The following UNC80 variants were observed in gnomAD, a reference collection of about 807,000 sequenced individuals.
UNC80 encodes protein unc-80 homolog.
UNC80 carries 164 observed loss-of-function variants against 384.6 expected under a neutral mutation model. The observed-to-expected ratio is 0.43, with a 90% CI of 0.38 to 0.49. UNC80 has a LOEUF of 0.49. Among genes scored for constraint, UNC80 ranks in the 20% least tolerant of loss-of-function variants. The pLI is 0.00. For synonymous variants in UNC80, 1,486 were observed against 1,527.8 expected (o/e 0.97, Z 0.64); for missense variants, 3,330 against 4,143.0 (o/e 0.80, Z 5.39).
intron 18 of UNC80, among the ~76,000 whole-genome samples, chr2:209,838,225 G>T (rs765936191): frequency 3.3e-5 from 5 of 152,092 alleles, no homozygotes; most frequent in South Asian, 4.1e-4. Flanking sequence ...CCCACTGGGA[G>T]TATAATAGTA....
In UNC80 at chr2:209,813,341, A is replaced by G. The variant is rs1027835507; in HGVS notation, c.939-239A>G. On this transcript the variant is annotated intron_variant, in intron 7 of 64. Transcript: ENST00000673920. ...AATCCTCCCTCCTGCCCAAACCTCA[A>G]CTTTGCCTTGCTAATTCCTATCCAT... Among the ~76,000 whole-genome samples, 4 of 152,294 alleles carry G rather than the reference A, an allele frequency of 2.6e-5. No homozygotes were observed. In the South Asian group the frequency reaches 8.3e-4, roughly 32 times the overall value.
intron 7 of UNC80, among the ~76,000 whole-genome samples, chr2:209,802,749 G>T (rs1380175879): frequency 3.3e-5 from 5 of 152,138 alleles, no homozygotes; most frequent in African/African-American, 1.2e-4. Flanking sequence ...AGTTAGTTGA[G>T]TTCTCTGCTT....
In UNC80 at chr2:209,935,387, C is replaced by T. The variant is rs529229033; in HGVS notation, c.6179-327C>T. Among the ~76,000 whole-genome samples the T allele has an allele frequency of 2.3e-3, 350 of 152,008 alleles. 2 individuals carry two copies. The highest frequency in any genetic ancestry group is 5.0e-4 in the Non-Finnish European group (34 of 67,982). ...CTGTAATCTCCGCACTTTGGGAGGCCGAGGCAGGTGGATTGCTTGAGGTCA... is the reference window on the plus strand; with the variant it reads ...CTGTAATCTCCGCACTTTGGGAGGCTGAGGCAGGTGGATTGCTTGAGGTCA... On this transcript the variant is annotated intron_variant, in intron 39 of 64. Coordinates refer to ENST00000673920, the MANE Select transcript of UNC80 (RefSeq NM_001371986.1).
chr2:209,792,501 C>T (rs1257303860), intron 6 of UNC80, among the ~76,000 whole-genome samples: 1 of 152,072 alleles, frequency 6.6e-6, no homozygotes, highest in African/African-American at 2.4e-5. Flanking sequence ...GCGCCCACCA[C>T]CGCGCCCAGC....
In UNC80 at chr2:209,996,018, A is replaced by T. The variant is rs2093478592; in HGVS notation, c.*423A>T. The T allele has an allele frequency of 6.5e-6, 1 of 155,002 alleles. No homozygotes were observed. The highest frequency in any genetic ancestry group is 2.4e-5 in the African/African-American group (1 of 41,470). The allele number at this position is 155,002 out of a possible 1,614,324, so 9.6% of individuals were successfully genotyped here. On this transcript the variant is annotated 3_prime_UTR_variant, in exon 65 of 65. Coordinates refer to ENST00000673920, the MANE Select transcript of UNC80 (RefSeq NM_001371986.1). ...AAATATTTATTTTTATAGTTTAAAA[A>T]ATATCAATTCAGGTTGGCTATACAA...
At chr2:209,858,381 T>C (rs541982602) in intron 22 of UNC80, among the ~76,000 whole-genome samples, 4 of 152,286 alleles carry the variant, frequency 2.6e-5, no homozygotes, top group African/African-American at 7.2e-5. Flanking sequence ...AACTTTTCTA[T>C]CTGTTTGTTA....
chr2:209,777,078 C>A (rs1363489426), intron 3 of UNC80, among the ~76,000 whole-genome samples, 180 bp from the exon 4 acceptor site: 1 of 152,220 alleles, frequency 6.6e-6, no homozygotes, highest in African/African-American at 2.4e-5. Flanking sequence ...CCCATGGCAG[C>A]ATATCATTCT....
In UNC80 at chr2:209,995,650, A is replaced by G. The variant is rs2093473122; in HGVS notation, c.*55A>G. On this transcript the variant is annotated 3_prime_UTR_variant, in exon 65 of 65. Coordinates refer to ENST00000673920, the MANE Select transcript of UNC80 (RefSeq NM_001371986.1). ...GAGAAGACATGAAAGTGATCTCTCT[A>G]CTACAAGTTCAATACTTTTGCTTGA... is the stretch of plus-strand genomic sequence containing the variant. The G allele has an allele frequency of 1.3e-6, 2 of 1,516,108 alleles. No homozygotes were observed. Among genetic ancestry groups the G allele is most frequent in the Non-Finnish European group, 1.8e-6 (2 of 1,126,560 alleles). The allele number at this position is 1,516,108 out of a possible 1,614,324, so 93.9% of individuals were successfully genotyped here. A position where few individuals can be genotyped will look rare whatever the true frequency, so the allele number is the denominator to read the frequency against.
chr2:209,924,613 A>G lies in UNC80; in HGVS notation c.5662+2230A>G, dbSNP rs548245851. Among the ~76,000 whole-genome samples the G allele has an allele frequency of 5.3e-5, 8 of 152,202 alleles. No homozygotes were observed. In the South Asian group the frequency reaches 1.2e-3, roughly 24 times the overall value. On this transcript the variant is annotated intron_variant, in intron 35 of 64. Transcript: ENST00000673920. ...CCTGGGCATGTGCACAACCTTGTAC[A>G]TATGTACAGCCATCTAGATAACCAG...
intron 22 of UNC80, among the ~76,000 whole-genome samples, chr2:209,865,428 C>T: frequency 6.6e-6 from 1 of 152,154 alleles, no homozygotes; most frequent in South Asian, 2.1e-4. Flanking sequence ...CGGTGAAACC[C>T]CATCTCTACT....
At chr2:209,968,334 G>A (rs1051152653) in intron 52 of UNC80, 1 of 152,016 alleles carries the variant, frequency 6.6e-6, no homozygotes, top group Non-Finnish European at 1.5e-5. Flanking sequence ...CCACTTACTC[G>A]GAAATTTCAA....
intron 52 of UNC80, 183 bp from the exon 53 acceptor site, chr2:209,969,585 C>T (rs1179150525): frequency 1.4e-6 from 1 of 739,494 alleles, no homozygotes; most frequent in African/African-American, 1.8e-5. Context: ...AGGCCTGCCT[C>T]TGCTACGTTT....
rs530395928 is a variant in UNC80, at chr2:209,842,441, G to A, written c.3449G>A (p.Arg1150His). ...GRDEEENFFK[R>H]LGCHSFDDHL... ...GATGAAGAGGAGAATTTCTTCAAGC[G>A]TCTTGGTAAATGTCATGCATCCTAA... Residue 1150 changes from arginine to histidine, a missense_variant, in exon 21 of 65, where the codon CGT (arginine) becomes CAT (histidine). By Grantham distance (29) the Arg-to-His change is conservative (BLOSUM62 0). Transcript: ENST00000673920. 7.1e-6 allele frequency: 11 copies of A among 1,548,344 alleles called. No individual in the cohort carries two copies. The highest frequency in any genetic ancestry group is 2.7e-5 in the African/African-American group (2 of 73,020).
At chr2:209,818,816 T>C (rs528104766) in intron 11 of UNC80, among the ~76,000 whole-genome samples, 177 bp from the exon 12 acceptor site, 2 of 152,316 alleles carry the variant, frequency 1.3e-5, no homozygotes, top group African/African-American at 4.8e-5. Context: ...ACACATCATA[T>C]GGCCTTAGTA....
intron 28 of UNC80, among the ~76,000 whole-genome samples, chr2:209,903,178 AT>A (rs1302398826): frequency 6.6e-6 from 1 of 150,796 alleles, no homozygotes; most frequent in African/African-American, 2.4e-5. Context: ...ATGTCTGTGC[AT>A]TTTAGTAAAA....
intron 35 of UNC80, among the ~76,000 whole-genome samples, chr2:209,923,254 GAAACAA>G (rs2090173902): frequency 6.6e-6 from 1 of 152,074 alleles, no homozygotes; most frequent in Admixed American, 6.5e-5. Flanking sequence ...TCATATCTAA[GAAACAA>G]TTGTCTAATC....
intron 7 of UNC80, chr2:209,796,409 T>C (rs2078159306): frequency 6.6e-6 from 1 of 152,232 alleles, no homozygotes; most frequent in Admixed American, 6.5e-5. Context: ...TTTGGGTTAA[T>C]GCTGAAATGA....
intron 4 of UNC80, 21 bp downstream of exon 4, chr2:209,777,580 A>C (rs1279634374): frequency 6.3e-7 from 1 of 1,584,252 alleles, no homozygotes; most frequent in Admixed American, 1.8e-5. Context: ...ACCCAGTGTT[A>C]GAGCTGGAGT....
At chr2:209,841,563 G>T (rs1216278185) in intron 20 of UNC80, among the ~76,000 whole-genome samples, 3 of 152,056 alleles carry the variant, frequency 2.0e-5, no homozygotes, top group African/African-American at 7.2e-5. Context: ...TGTTGGCCAG[G>T]ATGGTCTCGA....
Sources: gnomAD v4.1 joint callset for allele counts (sites outside exome capture counted in the v4.1 genomes callset) on GRCh38, gnomAD v4.1.1 for gene constraint, MANE v1.5 for transcripts, NCBI Gene and HGNC (gene_info 2026-07-23, HGNC 2026-07-21) for gene names.